WWOX: variants seen among roughly 807,000 people sequenced by gnomAD.
WWOX encodes WW domain containing oxidoreductase.
Under a neutral mutation model 46.2 loss-of-function variants are expected in WWOX, and 69 were observed. The ratio of observed to expected loss-of-function variants is 1.49; its 90% confidence interval spans 1.23 to 1.82. The LOEUF is 1.82. WWOX is among the 40% of genes most tolerant of loss of function. The pLI is 0.00. For synonymous variants in WWOX, 359 were observed against 202.6 expected (o/e 1.77, Z -6.56); for missense variants, 919 against 542.6 (o/e 1.69, Z -6.89).
intron 8 of WWOX, among the ~76,000 whole-genome samples, chr16:79,149,709 C>T (rs576097447): frequency 6.6e-6 from 1 of 152,322 alleles, no homozygotes; most frequent in South Asian, 2.1e-4. Flanking sequence ...TGGCATTCTG[C>T]CACAGACTAC....
chr16:78,988,380 T>A (rs2046821921), intron 8 of WWOX, among the ~76,000 whole-genome samples: 1 of 150,376 alleles, frequency 6.6e-6, no homozygotes, highest in Non-Finnish European at 1.5e-5. Flanking sequence ...GAAAGAAAAT[T>A]AATTTCTCAG....
chr16:78,641,411 G>A (rs2046707886), intron 8 of WWOX, among the ~76,000 whole-genome samples: 1 of 152,030 alleles, frequency 6.6e-6, no homozygotes, highest in South Asian at 2.1e-4. Flanking sequence ...AATATCCGTG[G>A]CTCTTTCATT....
chr16:78,402,672 C>G (rs535804139), intron 6 of WWOX, among the ~76,000 whole-genome samples: 2 of 152,308 alleles, frequency 1.3e-5, no homozygotes, highest in African/African-American at 4.8e-5. Context: ...AGTCCACGAT[C>G]AAAGCCAACA....
chr16:78,883,430 A>T lies in WWOX; in HGVS notation c.1057-328178A>T, dbSNP rs147259601. On this transcript the variant is annotated intron_variant, in intron 8 of 8. Transcript: ENST00000566780. ...CTTAATAGTAACATACCATTTTCAT[A>T]AGCATACCATGGGCTGGGCATGGTG... Among the ~76,000 whole-genome samples, 30 of 152,306 alleles carry T rather than the reference A, an allele frequency of 2.0e-4. 1 individual carries two copies. Among genetic ancestry groups the T allele is most frequent in the African/African-American group, 5.5e-4 (23 of 41,564 alleles).
At chr16:79,039,449 G>C (rs930088517) in intron 8 of WWOX, among the ~76,000 whole-genome samples, 2 of 152,096 alleles carry the variant, frequency 1.3e-5, no homozygotes, top group African/African-American at 4.8e-5. Context: ...GCTTCCTCCT[G>C]GGCACAGCTG....
intron 8 of WWOX, among the ~76,000 whole-genome samples, chr16:78,829,555 T>A (rs75400543): frequency 6.7e-6 from 1 of 149,650 alleles, no homozygotes; most frequent in Non-Finnish European, 1.5e-5. Context: ...ACACCTACAA[T>A]TTTTTTTTTG....
At chr16:78,650,615 T>C (rs1427606110) in intron 8 of WWOX, among the ~76,000 whole-genome samples, 1 of 152,224 alleles carries the variant, frequency 6.6e-6, no homozygotes, top group Non-Finnish European at 1.5e-5. Flanking sequence ...AATTAGCATA[T>C]GTTGTCATAG....
At chr16:79,036,108 C>T (rs1052495751) in intron 8 of WWOX, among the ~76,000 whole-genome samples, 13 of 152,332 alleles carry the variant, frequency 8.5e-5, no homozygotes, top group Non-Finnish European at 1.9e-4. Context: ...ATTCACCACA[C>T]CCTGGGCTAT....
chr16:78,555,078 G>A (rs971323558), intron 8 of WWOX, among the ~76,000 whole-genome samples: 1 of 149,740 alleles, frequency 6.7e-6, no homozygotes, highest in Admixed American at 6.7e-5. Flanking sequence ...GCCAGGGTGG[G>A]TTTGGAAGGA....
At chr16:78,196,750 T>A (rs918101289) in intron 5 of WWOX, among the ~76,000 whole-genome samples, 1 of 152,206 alleles carries the variant, frequency 6.6e-6, no homozygotes, top group African/African-American at 2.4e-5. Flanking sequence ...TTGGCCCTAT[T>A]TTGCTTCTGC....
At chr16:78,885,468 A>T (rs543636734) in intron 8 of WWOX, among the ~76,000 whole-genome samples, 2 of 152,292 alleles carry the variant, frequency 1.3e-5, no homozygotes, top group African/African-American at 2.4e-5. Flanking sequence ...GGGCTCTTGA[A>T]CCAAAATTAT....
intron 8 of WWOX, among the ~76,000 whole-genome samples, chr16:78,534,959 G>A (rs1280919136): frequency 3.9e-5 from 6 of 152,040 alleles, no homozygotes; most frequent in African/African-American, 1.4e-4. Flanking sequence ...TGATCTGTTC[G>A]TCTCAGCCTC....
At chr16:79,089,969 A>T (rs977823846) in intron 8 of WWOX, 1 of 150,476 alleles carries the variant, frequency 6.6e-6, no homozygotes, top group African/African-American at 2.4e-5. Context: ...TGGAAAAAAA[A>T]AAAAGGGGGG....
chr16:78,994,897 C>T (rs974147168), intron 8 of WWOX, among the ~76,000 whole-genome samples: 2 of 151,242 alleles, frequency 1.3e-5, no homozygotes, highest in East Asian at 1.9e-4. Context: ...AAGAAATACT[C>T]CCTTCTGGAC....
intron 8 of WWOX, among the ~76,000 whole-genome samples, chr16:78,458,658 AAG>A (rs1301496861): frequency 6.6e-6 from 1 of 150,664 alleles, no homozygotes; most frequent in Non-Finnish European, 1.5e-5. Context: ...TAAAAGTAAA[AAG>A]AATATAAATT....
chr16:79,163,369 TCA>T (rs2050524957), intron 8 of WWOX, among the ~76,000 whole-genome samples: 2 of 152,190 alleles, frequency 1.3e-5, no homozygotes, highest in Admixed American at 1.3e-4. Context: ...TCCCTGAGCC[TCA>T]GTTTAGTAGA....
chr16:78,579,530 G>C (rs1265868455), intron 8 of WWOX, among the ~76,000 whole-genome samples: 2 of 152,106 alleles, frequency 1.3e-5, no homozygotes, highest in Non-Finnish European at 2.9e-5. Context: ...GAGAGAGAAG[G>C]ATGCTAGGTG....
intron 5 of WWOX, among the ~76,000 whole-genome samples, chr16:78,325,730 C>A (rs1031650855): frequency 1.4e-4 from 21 of 152,194 alleles, no homozygotes; most frequent in African/African-American, 5.1e-4. Context: ...GGGACTGTAA[C>A]CTGAGTGACT....
chr16:79,147,176 C>A (rs879828476), intron 8 of WWOX, among the ~76,000 whole-genome samples: 6 of 152,152 alleles, frequency 3.9e-5, no homozygotes, highest in Admixed American at 3.9e-4. Flanking sequence ...TTATACACAA[C>A]TACATCAAGA....
Sources: allele counts gnomAD v4.1 joint callset (sites outside exome capture counted in the v4.1 genomes callset), GRCh38; gene constraint gnomAD v4.1.1; transcripts MANE v1.5; gene names NCBI Gene and HGNC (gene_info 2026-07-23, HGNC 2026-07-21).